The following CTSO variants were observed in gnomAD, a reference collection of about 807,000 sequenced individuals.
CTSO encodes the protein cathepsin O.
A neutral mutation model predicts 42.4 loss-of-function variants in CTSO; 40 were observed. The observed-to-expected ratio is 0.94, with a 90% CI of 0.73 to 1.23. The LOEUF (loss-of-function observed/expected upper bound fraction) is 1.23, where lower values mean the gene tolerates loss of function less well. Ranked by LOEUF, CTSO falls within the 50% of genes most tolerant of loss-of-function variation. The pLI is 0.00. For missense variants in CTSO, 441 were observed against 396.0 expected (o/e 1.11, Z -0.96); for synonymous variants, 156 against 146.2 (o/e 1.07, Z -0.48).
intron 5 of CTSO, among the ~76,000 whole-genome samples, chr4:155,929,942 G>T (rs982644897): frequency 3.3e-5 from 5 of 152,120 alleles, no homozygotes; most frequent in Non-Finnish European, 5.9e-5. Context: ...CATTTTCAGG[G>T]TCCATTCATG....
intron 3 of CTSO, among the ~76,000 whole-genome samples, chr4:155,941,286 A>G (rs12504631): frequency 2.0e-5 from 3 of 152,034 alleles, no homozygotes; most frequent in Non-Finnish European, 4.4e-5. Flanking sequence ...GGCATTCCCT[A>G]TGCCAACAGT....
At chr4:155,936,207 TC>T (rs1743327815) in intron 5 of CTSO, among the ~76,000 whole-genome samples, 1 of 152,182 alleles carries the variant, frequency 6.6e-6, no homozygotes, top group Non-Finnish European at 1.5e-5. Context: ...TTATTATAAA[TC>T]CTACATGGTC....
intron 1 of CTSO, among the ~76,000 whole-genome samples, chr4:155,944,033 A>G (rs1560789717): frequency 2.6e-5 from 4 of 152,322 alleles, no homozygotes; most frequent in Admixed American, 1.3e-4. Flanking sequence ...GCGCTTCTAC[A>G]TATTTGTCTA....
chr4:155,938,144 T>A (rs1743364694), intron 4 of CTSO, among the ~76,000 whole-genome samples: 1 of 152,188 alleles, frequency 6.6e-6, no homozygotes, highest in African/African-American at 2.4e-5. Context: ...GTCTTTCAGA[T>A]TCCATCCAGT....
intron 1 of CTSO, among the ~76,000 whole-genome samples, chr4:155,952,707 T>C (rs1560792835): frequency 6.6e-6 from 1 of 152,148 alleles, no homozygotes; most frequent in Non-Finnish European, 1.5e-5. Flanking sequence ...TCCTAAACAT[T>C]GGAGCTTTCC....
rs1008342316 is a variant in CTSO at position 155,935,606 on chromosome 4, G to A, written c.674+1756C>T. 3.3e-5 allele frequency among the ~76,000 whole-genome samples: 5 copies of A among 151,986 alleles called. No homozygotes were observed. The South Asian group carries it at 6.2e-4, about 19-fold the overall frequency. On this transcript the variant is annotated intron_variant, in intron 5 of 7. Coordinates refer to ENST00000433477, the MANE Select transcript of CTSO (RefSeq NM_001334.3). ...TGTACACTCCCCCTACTACCAGATCGTTTCTCTTCCTCCCACTGTTTTCAT... is the reference window on the plus strand; with the variant it reads ...TGTACACTCCCCCTACTACCAGATCATTTCTCTTCCTCCCACTGTTTTCAT...
intron 5 of CTSO, among the ~76,000 whole-genome samples, chr4:155,935,692 G>A (rs1404192624): frequency 6.6e-6 from 1 of 151,856 alleles, no homozygotes; most frequent in African/African-American, 2.4e-5. Context: ...TTTTGTGACT[G>A]TCTGTCTCAA....
intron 5 of CTSO, among the ~76,000 whole-genome samples, chr4:155,933,865 C>T (rs1743281985): frequency 6.6e-6 from 1 of 152,098 alleles, no homozygotes; most frequent in African/African-American, 2.4e-5. Context: ...AAAAGCATTC[C>T]ATTTTAAAAG....
chr4:155,927,718 T>C (rs2110901803), intron 7 of CTSO, among the ~76,000 whole-genome samples: 1 of 151,796 alleles, frequency 6.6e-6, no homozygotes, highest in South Asian at 2.1e-4. Context: ...GAGCTTGCAG[T>C]GAGCCGAGAT....
At chr4:155,944,937 A>G (rs1743513436) in intron 1 of CTSO, among the ~76,000 whole-genome samples, 1 of 141,472 alleles carries the variant, frequency 7.1e-6, no homozygotes, top group South Asian at 2.4e-4. Context: ...GTTCACAGGA[A>G]TTGCTCCTGT....
At chr4:155,946,792 A>AT (rs1743555119) in intron 1 of CTSO, among the ~76,000 whole-genome samples, 1 of 152,246 alleles carries the variant, frequency 6.6e-6, no homozygotes, top group Middle Eastern at 3.4e-3. Context: ...ACTTGTTTTG[A>AT]TTTTGCAAAA....
intron 1 of CTSO, among the ~76,000 whole-genome samples, chr4:155,948,231 A>T (rs1743583456): frequency 6.6e-6 from 1 of 152,162 alleles, no homozygotes; most frequent in Admixed American, 6.6e-5. Context: ...TCTTGTGCAT[A>T]CTAAGTCTCT....
chr4:155,946,410 C>T (rs1228729497), intron 1 of CTSO, among the ~76,000 whole-genome samples: 1 of 151,850 alleles, frequency 6.6e-6, no homozygotes, highest in East Asian at 1.9e-4. Context: ...TATTTATGTC[C>T]CTAATTTTCA....
At chr4:155,950,708 C>T (rs1743657816) in intron 1 of CTSO, among the ~76,000 whole-genome samples, 1 of 151,976 alleles carries the variant, frequency 6.6e-6, no homozygotes, top group African/African-American at 2.4e-5. Context: ...TCGGCAGCAG[C>T]ATTAGATTAT....
intron 1 of CTSO, among the ~76,000 whole-genome samples, chr4:155,943,545 T>C (rs1743478616): frequency 6.6e-6 from 1 of 152,130 alleles, no homozygotes; most frequent in South Asian, 2.1e-4. Context: ...ATACAGCTGT[T>C]AAAGTATTGA....
chr4:155,931,768 G>A (rs1028130295), intron 5 of CTSO, among the ~76,000 whole-genome samples: 1 of 149,770 alleles, frequency 6.7e-6, no homozygotes, highest in Non-Finnish European at 1.5e-5. Flanking sequence ...CTACAGTTTT[G>A]GAAATAATAA....
intron 1 of CTSO, among the ~76,000 whole-genome samples, chr4:155,946,949 G>A (rs1743558547): frequency 6.6e-6 from 1 of 152,132 alleles, no homozygotes; most frequent in Non-Finnish European, 1.5e-5. Flanking sequence ...TCCGCCTCCC[G>A]GGTTCACCCC....
chr4:155,947,513 G>A (rs931543021), intron 1 of CTSO, among the ~76,000 whole-genome samples: 3 of 152,058 alleles, frequency 2.0e-5, no homozygotes, highest in African/African-American at 7.2e-5. Context: ...TTGCTTTCAT[G>A]GTAAAATAAT....
chr4:155,948,091 T>C (rs1276342345), intron 1 of CTSO, among the ~76,000 whole-genome samples: 1 of 152,034 alleles, frequency 6.6e-6, no homozygotes, highest in South Asian at 2.1e-4. Flanking sequence ...TTGTTAAATG[T>C]GTTTAATTGA....
Sources: allele counts gnomAD v4.1 joint callset (sites outside exome capture counted in the v4.1 genomes callset), GRCh38; gene constraint gnomAD v4.1.1; transcripts MANE v1.5; gene names NCBI Gene and HGNC (gene_info 2026-07-23, HGNC 2026-07-21).